The following CCDC144A variants were observed in gnomAD, a reference collection of about 807,000 sequenced individuals.
CCDC144A encodes coiled-coil domain containing 144A, also known as coiled-coil domain-containing protein 144A.
Under a neutral mutation model 143.8 loss-of-function variants are expected in CCDC144A, and 41 were observed. The ratio of observed to expected loss-of-function variants is 0.29; its 90% CI spans 0.22 to 0.37. CCDC144A has a LOEUF of 0.37. Ranked by LOEUF, CCDC144A falls within the 10% of genes least tolerant of loss-of-function variation. The probability of loss-of-function intolerance (pLI) is 1.00; values close to 1 mark genes in which losing one functional copy is unlikely to be tolerated. For missense variants in CCDC144A, 637 were observed against 1,488.8 expected, an observed-to-expected ratio of 0.43 and a Z score of 9.41; for synonymous variants, 242 against 517.9, an observed-to-expected ratio of 0.47 and a Z score of 7.23.
intron 12 of CCDC144A, among the ~76,000 whole-genome samples, chr17:16,751,816 C>G (rs2694245): frequency 7.2e-5 from 11 of 152,260 alleles, no homozygotes; most frequent in African/African-American, 2.7e-4. Flanking sequence ...GGTGTGGTGC[C>G]TGCAGCCCAG....
At chr17:16,683,955 G>C in the CCDC144A span, 4 of 1,199,862 alleles carry the variant, frequency 3.3e-6, no homozygotes, top group Non-Finnish European at 5.0e-6. Context: ...TGGGGGCCGG[G>C]CTATCCTTTA....
rs1372661156 is a variant in CCDC144A, at chr17:16,733,636, A to G, written c.2418+970A>G. On this transcript the variant is annotated intron_variant, in intron 11 of 16. Transcript: ENST00000399273. ...CAGATAATCTCATGATTTTCTAAGA[A>G]AAGCTCTGTAACTTCTTTTTTTACC... 6.6e-5 allele frequency among the ~76,000 whole-genome samples: 10 copies of G among 151,270 alleles called. No homozygotes were observed. The East Asian group carries it at 1.9e-3, about 29-fold the overall frequency.
chr17:16,729,745 G>C lies in CCDC144A; in HGVS notation c.2105+2005G>C, dbSNP rs913748105. On this transcript the variant is annotated intron_variant, in intron 9 of 16. Transcript: ENST00000399273. ...AATTTTGTATTTTTAGTAAGACAAG[G>C]TTTCTCCATGTTGGTCAGGCTGGTC... 3.7e-3 allele frequency among the ~76,000 whole-genome samples: 552 copies of C among 150,850 alleles called. 6 individuals carry two copies. The highest frequency in any genetic ancestry group is 0.013 in the African/African-American group (524 of 40,990).
At chr17:16,706,105 A>G (rs968022830) in intron 3 of CCDC144A, 2 of 151,584 alleles carry the variant, frequency 1.3e-5, no homozygotes, top group Non-Finnish European at 2.9e-5. Flanking sequence ...ACAAAAAAAC[A>G]CCTTCCAAAA....
chr17:16,691,621 C>T (rs1044620203), intron 1 of CCDC144A, among the ~76,000 whole-genome samples: 7 of 151,908 alleles, frequency 4.6e-5, no homozygotes, highest in African/African-American at 1.7e-4. Context: ...AAAAAATAGC[C>T]GGGCGTGGTG....
rs1406976507 is a variant in CCDC144A, at chr17:16,690,404, G to A, written c.4G>A (p.Ala2Thr). The A allele has an allele frequency of 1.1e-5, 17 of 1,547,656 alleles. No individual in the cohort carries two copies. Among genetic ancestry groups the A allele is most frequent in the Non-Finnish European group, 1.4e-5 (16 of 1,147,198 alleles). The change falls in exon 1 of 17, where the codon GCC becomes ACC. Residue 2 changes from alanine to threonine, a missense_variant. Coordinates refer to ENST00000399273, the MANE Select transcript of CCDC144A (RefSeq NM_001382000.1). Reference protein sequence around the residue: MASWGGEKRGGA... With the variant: MTSWGGEKRGGA... ...CCGAGGCAGTAGCTCGCTACTGATG[G>A]CCTCCTGGGGTGGAGAAAAGCGGGG...
rs1391294417 is a variant in CCDC144A at position 16,776,443 on chromosome 17, A to G, written c.*2810A>G. The G allele has an allele frequency of 6.6e-6, 1 of 152,154 alleles. No individual in the cohort carries two copies. Among genetic ancestry groups the G allele is most frequent in the Non-Finnish European group, 1.5e-5 (1 of 68,034 alleles). 9.4% of individuals were successfully genotyped at this position (152,154 alleles called of 1,614,324 possible). ...TTTCTTGTTAGCTGTATTCCTAGGTATTATACTCTTCTTGTGGCAATTGTG... is the reference window on the plus strand; with the variant it reads ...TTTCTTGTTAGCTGTATTCCTAGGTGTTATACTCTTCTTGTGGCAATTGTG... On this transcript the variant is annotated 3_prime_UTR_variant, in exon 17 of 17. Coordinates refer to ENST00000399273, the MANE Select transcript of CCDC144A (RefSeq NM_001382000.1).
rs368437733 is a variant in CCDC144A, at chr17:16,690,538, C to T, written c.138C>T (p.Ser46=). 6.3e-5 allele frequency: 102 copies of T among 1,613,420 alleles called. No individual in the cohort carries two copies. In the African/African-American group the frequency reaches 1.0e-3, roughly 17 times the overall value. Residue 46 remains serine, a synonymous_variant, in exon 1 of 17, where the codon TCC becomes TCT. Coordinates refer to ENST00000399273, the MANE Select transcript of CCDC144A (RefSeq NM_001382000.1). The part of the protein sequence containing the change: ...WYLGYPGDQW[S]SGFPYSWWKN... ...TGGGCTACCCGGGGGACCAGTGGTCCTCGGGCTTCCCCTACAGCTGGTGGA... is the reference window on the plus strand; with the variant it reads ...TGGGCTACCCGGGGGACCAGTGGTCTTCGGGCTTCCCCTACAGCTGGTGGA...
intron 12 of CCDC144A, among the ~76,000 whole-genome samples, 161 bp from the exon 13 acceptor site, chr17:16,761,264 G>A (rs1597591516): frequency 1.3e-5 from 2 of 151,786 alleles, no homozygotes; most frequent in East Asian, 3.9e-4. Flanking sequence ...AACCCGGGAG[G>A]CAGAGCTTGT....
chr17:16,761,999 G>A (rs1010432415), intron 13 of CCDC144A, among the ~76,000 whole-genome samples: 8 of 152,226 alleles, frequency 5.3e-5, no homozygotes, highest in Non-Finnish European at 1.2e-4. Context: ...AAAAAATTGT[G>A]ATTTAGAAAT....
At chr17:16,676,741 CTG>C in the CCDC144A span, among the ~76,000 whole-genome samples, 1 of 151,978 alleles carries the variant, frequency 6.6e-6, no homozygotes, top group African/African-American at 2.4e-5. Context: ...GAAACAAACT[CTG>C]TGGTCAAACC....
At chr17:16,773,313 A>G (rs1457083592) in intron 16 of CCDC144A, among the ~76,000 whole-genome samples, 184 bp from the exon 17 acceptor site, 3 of 152,070 alleles carry the variant, frequency 2.0e-5, no homozygotes, top group African/African-American at 7.2e-5. Flanking sequence ...TGCCAGGCAC[A>G]GTGGCTCATG....
intron 12 of CCDC144A, among the ~76,000 whole-genome samples, chr17:16,748,996 T>C (rs1271979440): frequency 1.3e-5 from 2 of 151,724 alleles, no homozygotes; most frequent in Non-Finnish European, 2.9e-5. Flanking sequence ...ATTTATTTAT[T>C]TATCTAGCTA....
the CCDC144A span, among the ~76,000 whole-genome samples, chr17:16,678,263 C>T: frequency 6.6e-6 from 1 of 151,962 alleles, no homozygotes; most frequent in East Asian, 1.9e-4. Flanking sequence ...TCCTCCCACT[C>T]TCCAACAAGA....
In CCDC144A at chr17:16,732,720, A is replaced by G. The variant is rs532044645; in HGVS notation, c.2418+54A>G. On this transcript the variant is annotated intron_variant, in intron 11 of 16. Transcript: ENST00000399273. ...TTTTTGTATGTGAATATATTTTTAAAAAACAACTCTGTGCAACTTGGAAAG... is the reference window on the plus strand; with the variant it reads ...TTTTTGTATGTGAATATATTTTTAAGAAACAACTCTGTGCAACTTGGAAAG... 2.9e-5 allele frequency: 39 copies of G among 1,324,106 alleles called. No homozygotes were observed. The African/African-American group carries it at 3.3e-4, about 11-fold the overall frequency. The allele number at this position is 1,324,106 out of a possible 1,614,324, so 82.0% of individuals were successfully genotyped here.
chr17:16,752,536 G>T (rs1354836306), intron 12 of CCDC144A, among the ~76,000 whole-genome samples: 1,897 of 138,374 alleles, frequency 0.014, 18 homozygotes, highest in African/African-American at 0.029. Context: ...GCTTGAATCC[G>T]GGGGGTATTG....
chr17:16,693,464 C>T (rs1911213574), intron 2 of CCDC144A, among the ~76,000 whole-genome samples: 2 of 152,046 alleles, frequency 1.3e-5, no homozygotes, highest in South Asian at 4.2e-4. Context: ...TACAGGCGCC[C>T]GCCACCCCGC....
At chr17:16,761,167 TAAA>T (rs549582674) in intron 12 of CCDC144A, among the ~76,000 whole-genome samples, 29 of 151,836 alleles carry the variant, frequency 1.9e-4, no homozygotes, top group African/African-American at 6.8e-4. Context: ...CTACTAAAAA[TAAA>T]AAATAAATTA....
chr17:16,706,109 T>G (rs921204104), intron 3 of CCDC144A: 1 of 151,474 alleles, frequency 6.6e-6, no homozygotes, highest in African/African-American at 2.4e-5. Context: ...AAAAACACCT[T>G]CCAAAAGCAA....
Sources: gnomAD v4.1 joint callset for allele counts (sites outside exome capture counted in the v4.1 genomes callset) on GRCh38, gnomAD v4.1.1 for gene constraint, MANE v1.5 for transcripts, NCBI Gene and HGNC (gene_info 2026-07-23, HGNC 2026-07-21) for gene names.